DISP1: variants seen among roughly 807,000 people sequenced by gnomAD.
The protein encoded by DISP1 is dispatched RND transporter family member 1, also known as protein dispatched homolog 1.
DISP1 carries 30 observed loss-of-function variants against 37.3 expected under a neutral mutation model. The observed-to-expected ratio is 0.80, with a 90% CI of 0.60 to 1.09. The LOEUF (loss-of-function observed/expected upper bound fraction) is 1.09, where lower values mean the gene tolerates loss of function less well. Ranked by LOEUF, DISP1 falls within the 50% of genes least tolerant of loss-of-function variation. The probability of loss-of-function intolerance (pLI) is 0.00; values close to 1 mark genes in which losing one functional copy is unlikely to be tolerated. For synonymous variants in DISP1, 634 were observed against 690.2 expected (o/e 0.92, Z 1.28); for missense variants, 1,598 against 1,879.5 (o/e 0.85, Z 2.77).
chr1:222,957,642 C>G (rs371247301), intron 3 of DISP1, among the ~76,000 whole-genome samples: 1 of 152,064 alleles, frequency 6.6e-6, no homozygotes, highest in African/African-American at 2.4e-5. Context: ...GCTTCTTTCA[C>G]CTTTCTAAAG....
At chr1:222,936,769 T>G (rs1306403444) in intron 2 of DISP1, among the ~76,000 whole-genome samples, 17 of 61,178 alleles carry the variant, frequency 2.8e-4, no homozygotes, top group African/African-American at 9.4e-4. Flanking sequence ...ATATAAAAAT[T>G]ATATATATCA....
rs188480443 is a variant in DISP1, at chr1:222,991,942, G to A, written c.792-71G>A. 214 of 1,239,660 alleles carry A rather than the reference G, an allele frequency of 1.7e-4. 3 individuals are homozygous for A. In the East Asian group the frequency reaches 3.6e-3, roughly 21 times the overall value. The allele number at this position is 1,239,660 out of a possible 1,614,324, so 76.8% of individuals were successfully genotyped here. A position where few individuals can be genotyped will look rare whatever the true frequency, so the allele number is the denominator to read the frequency against. ...CAGGTCATGGCTTTGAGGAAGTAATGTTTCCAGTATGCTTATCAGCTTTGA... is the reference window on the plus strand; with the variant it reads ...CAGGTCATGGCTTTGAGGAAGTAATATTTCCAGTATGCTTATCAGCTTTGA... On this transcript the variant is annotated intron_variant, in intron 6 of 8. Coordinates refer to ENST00000675850, the MANE Select transcript of DISP1 (RefSeq NM_001377229.1).
intron 3 of DISP1, among the ~76,000 whole-genome samples, chr1:222,948,880 GT>G (rs1445092824): frequency 5.3e-5 from 8 of 152,062 alleles, no homozygotes; most frequent in Non-Finnish European, 8.8e-5. Flanking sequence ...GTTTTTATTT[GT>G]TTATAAAGCA....
chr1:222,971,472 A>C (rs765554344), intron 3 of DISP1, among the ~76,000 whole-genome samples: 2 of 151,864 alleles, frequency 1.3e-5, no homozygotes, highest in African/African-American at 2.4e-5. Flanking sequence ...TATGATACCG[A>C]ATAATTCTGT....
At chr1:222,907,953 T>A (rs897099984) in intron 1 of DISP1, among the ~76,000 whole-genome samples, 1 of 151,964 alleles carries the variant, frequency 6.6e-6, no homozygotes, top group Non-Finnish European at 1.5e-5. Context: ...CATCTCAAAA[T>A]AAATAAATAA....
intron 1 of DISP1, among the ~76,000 whole-genome samples, chr1:222,837,663 T>C (rs1667324127): frequency 1.3e-5 from 2 of 152,286 alleles, no homozygotes; most frequent in South Asian, 4.2e-4. Flanking sequence ...AACAGAGGTA[T>C]ATAAAATAAC....
chr1:222,942,907 C>A lies in DISP1; in HGVS notation c.84C>A (p.Leu28=). 1 of 1,614,168 alleles carries A rather than the reference C, an allele frequency of 6.2e-7. No homozygotes were observed. The highest frequency in any genetic ancestry group is 8.5e-7 in the Non-Finnish European group (1 of 1,180,034). ...IATSAANPSP[L]TPCDGDHAAQ... ...CCAGTGCTGCTAACCCGAGTCCCCT[C>A]ACCCCCTGTGATGGAGACCATGCAG... The change falls in exon 3 of 9, where the codon CTC becomes CTA. Residue 28 remains leucine, a synonymous_variant. Transcript: ENST00000675850.
At chr1:222,965,912 C>T (rs1002017707) in intron 3 of DISP1, among the ~76,000 whole-genome samples, 5 of 151,960 alleles carry the variant, frequency 3.3e-5, no homozygotes, top group African/African-American at 1.2e-4. Flanking sequence ...GCCTGTGGTG[C>T]CAGCTACTTG....
chr1:223,003,936 G>T lies in DISP1; in HGVS notation c.2539G>T (p.Asp847Tyr). ...QTFFYQTDEQ[D>Y]FTSCFIETFK... Reference sequence around the variant, plus strand: ...ATTCTTTTACCAGACTGATGAACAGGACTTCACCAGCTGCTTCATTGAGAC... The same window carrying T: ...ATTCTTTTACCAGACTGATGAACAGTACTTCACCAGCTGCTTCATTGAGAC... Residue 847 changes from aspartate to tyrosine, a missense_variant, in exon 9 of 9, where the codon GAC becomes TAC. Coordinates refer to ENST00000675850, the MANE Select transcript of DISP1 (RefSeq NM_001377229.1). This position sits in a 1 kb window ranked among gnomAD's most constrained non-coding sequence, Gnocchi z 4.3. 1 of 1,614,150 alleles carries T rather than the reference G, an allele frequency of 6.2e-7. No homozygotes were observed. The highest frequency in any genetic ancestry group is 8.5e-7 in the Non-Finnish European group (1 of 1,180,024).
chr1:222,913,004 A>G (rs1672292205), intron 1 of DISP1, among the ~76,000 whole-genome samples: 1 of 152,248 alleles, frequency 6.6e-6, no homozygotes, highest in African/African-American at 2.4e-5. Flanking sequence ...ATGACTAGAT[A>G]TTTATAGCAG....
At chr1:222,856,316 C>G (rs1375589403) in intron 1 of DISP1, among the ~76,000 whole-genome samples, 1 of 152,214 alleles carries the variant, frequency 6.6e-6, no homozygotes, top group Non-Finnish European at 1.5e-5. Flanking sequence ...TCATTCATTA[C>G]TAATCCAGGT....
chr1:222,877,176 G>A (rs1230986894), intron 1 of DISP1, among the ~76,000 whole-genome samples: 1 of 152,146 alleles, frequency 6.6e-6, no homozygotes, highest in Non-Finnish European at 1.5e-5. Flanking sequence ...AGTTTGTTGT[G>A]AGGAATAAAC....
chr1:222,842,312 T>TA (rs764087826), intron 1 of DISP1, among the ~76,000 whole-genome samples: 18,981 of 146,788 alleles, frequency 0.13, 1,514 homozygotes, highest in East Asian at 0.28. Context: ...ACCTGTCATT[T>TA]TAAAAAAAAA....
intron 1 of DISP1, among the ~76,000 whole-genome samples, chr1:222,861,555 C>T (rs1668880975): frequency 6.6e-6 from 1 of 152,150 alleles, no homozygotes; most frequent in South Asian, 2.1e-4. Context: ...TGCTTGCTAG[C>T]CATGTCACTT....
rs190983152 is a variant in DISP1 at position 222,908,445 on chromosome 1, G to A, written c.-158-19985G>A. On this transcript the variant is annotated intron_variant, in intron 1 of 8. Transcript: ENST00000675850. ...TTTTGAGATGGAGTCTTGCTCTGTC[G>A]CCCAGGCTGGAGTGCAGTGGTGCGA... Among the ~76,000 whole-genome samples the A allele has an allele frequency of 6.5e-3, 991 of 152,166 alleles. 7 individuals are homozygous for A. The highest frequency in any genetic ancestry group is 0.023 in the African/African-American group (936 of 41,528).
intron 4 of DISP1, among the ~76,000 whole-genome samples, chr1:222,984,147 T>G (rs935611924): frequency 3.3e-5 from 5 of 152,056 alleles, no homozygotes; most frequent in Non-Finnish European, 4.4e-5. Context: ...GGCTCACGCC[T>G]ATAATCCCAG....
chr1:222,862,433 C>G (rs34596963), intron 1 of DISP1, among the ~76,000 whole-genome samples: 1 of 151,122 alleles, frequency 6.6e-6, no homozygotes, highest in Non-Finnish European at 1.5e-5. Context: ...AGTAAACTTA[C>G]GAAAATCTAG....
chr1:222,953,804 C>G (rs1446810261), intron 3 of DISP1, among the ~76,000 whole-genome samples: 2 of 152,010 alleles, frequency 1.3e-5, no homozygotes, highest in East Asian at 3.8e-4. Context: ...TGAGAGAGTT[C>G]TTCTTTTATT....
chr1:222,849,671 C>G (rs1668116592), intron 1 of DISP1, among the ~76,000 whole-genome samples: 1 of 152,122 alleles, frequency 6.6e-6, no homozygotes, highest in Non-Finnish European at 1.5e-5. Flanking sequence ...ACAGGCCATA[C>G]TTCTGTGTAC....
Sources: gnomAD v4.1 joint callset for allele counts (sites outside exome capture counted in the v4.1 genomes callset) on GRCh38, gnomAD v4.1.1 for gene constraint, Gnocchi (gnomAD v3.1) non-coding constraint, MANE v1.5 for transcripts, NCBI Gene and HGNC (gene_info 2026-07-23, HGNC 2026-07-21) for gene names.